Variants in DGKB observed in about 807,000 individuals in gnomAD.
DGKB encodes diacylglycerol kinase beta.
A neutral mutation model predicts 114.3 loss-of-function variants in DGKB; 67 were observed. That is an observed-to-expected ratio of 0.59 (90% CI 0.48 to 0.72). The LOEUF is 0.72. Ranked by LOEUF, DGKB falls within the 30% of genes least tolerant of loss-of-function variation. The pLI is 0.00. For missense variants in DGKB, 907 were observed against 975.2 expected, an observed-to-expected ratio of 0.93 and a Z score of 0.93; for synonymous variants, 398 against 323.1, an observed-to-expected ratio of 1.23 and a Z score of -2.49.
intron 21 of DGKB, among the ~76,000 whole-genome samples, chr7:14,366,272 T>G (rs957480354): frequency 6.6e-6 from 1 of 152,152 alleles, no homozygotes; most frequent in Non-Finnish European, 1.5e-5. Context: ...ATCTTTTCAT[T>G]TAAAACTGAG....
At chr7:14,892,061 A>T (rs988532920) in intron 1 of DGKB, among the ~76,000 whole-genome samples, 4 of 151,464 alleles carry the variant, frequency 2.6e-5, no homozygotes, top group African/African-American at 9.7e-5. Context: ...AGCTATTTAT[A>T]TTGTATACTA....
At chr7:14,878,506 G>C (rs1483195753) in intron 1 of DGKB, among the ~76,000 whole-genome samples, 2 of 152,164 alleles carry the variant, frequency 1.3e-5, no homozygotes, top group African/African-American at 4.8e-5. Context: ...AGCATTTTGG[G>C]AGGCTGAGGC....
intron 20 of DGKB, among the ~76,000 whole-genome samples, chr7:14,552,694 C>A (rs1388223656): frequency 6.6e-6 from 1 of 152,192 alleles, no homozygotes; most frequent in Admixed American, 6.5e-5. Context: ...TTTGACTACA[C>A]TTTTAGCACA....
intron 23 of DGKB, among the ~76,000 whole-genome samples, chr7:14,303,611 G>T (rs755466412): frequency 1.3e-5 from 2 of 151,796 alleles, no homozygotes; most frequent in Non-Finnish European, 2.9e-5. Flanking sequence ...GTTGCACTGT[G>T]CTTTCTTTGA....
At chr7:14,634,802 T>A (rs1307604124) in intron 13 of DGKB, among the ~76,000 whole-genome samples, 1 of 151,688 alleles carries the variant, frequency 6.6e-6, no homozygotes, top group Non-Finnish European at 1.5e-5. Context: ...ATGTTTTTTT[T>A]ATATTTCAGT....
chr7:14,921,812 C>G (rs1209850761), intron 1 of DGKB, among the ~76,000 whole-genome samples: 1 of 152,150 alleles, frequency 6.6e-6, no homozygotes, highest in Non-Finnish European at 1.5e-5. Context: ...ACCCTAAAAA[C>G]TGTGGATGTC....
At chr7:14,563,882 C>G (rs1797027275) in intron 20 of DGKB, among the ~76,000 whole-genome samples, 1 of 152,094 alleles carries the variant, frequency 6.6e-6, no homozygotes, top group East Asian at 1.9e-4. Flanking sequence ...GAAAAGCAAG[C>G]TGCTGTAGTT....
At chr7:14,753,868 T>C in intron 4 of DGKB, 60 bp downstream of exon 4, 2 of 1,034,082 alleles carry the variant, frequency 1.9e-6, no homozygotes, top group Non-Finnish European at 2.9e-6. Flanking sequence ...GAGAAATTCA[T>C]AGATCATATC....
chr7:14,709,113 T>A (rs1826854403), intron 6 of DGKB, among the ~76,000 whole-genome samples: 1 of 148,592 alleles, frequency 6.7e-6, no homozygotes, highest in Admixed American at 6.7e-5. Flanking sequence ...TCAAACAAAT[T>A]TACAAGAAAA....
chr7:14,557,163 G>A (rs921502234), intron 20 of DGKB, among the ~76,000 whole-genome samples: 1 of 152,224 alleles, frequency 6.6e-6, no homozygotes, highest in Non-Finnish European at 1.5e-5. Flanking sequence ...TAGGTGATTC[G>A]AATTCATGCT....
intron 6 of DGKB, among the ~76,000 whole-genome samples, chr7:14,711,933 C>A (rs1159843075): frequency 1.3e-5 from 2 of 152,154 alleles, no homozygotes; most frequent in African/African-American, 4.8e-5. Context: ...CCCAGTAAGT[C>A]AATACCATCC....
chr7:14,206,969 A>G (rs1562614817), intron 23 of DGKB, among the ~76,000 whole-genome samples: 1 of 151,644 alleles, frequency 6.6e-6, no homozygotes, highest in Non-Finnish European at 1.5e-5. Context: ...CCTAAGTATT[A>G]GGGTAAAAAT....
chr7:14,719,934 T>C (rs1036507471), intron 5 of DGKB, among the ~76,000 whole-genome samples: 4 of 152,294 alleles, frequency 2.6e-5, no homozygotes, highest in East Asian at 1.9e-4. Context: ...ACTTTACAGA[T>C]TAGGGACCGT....
chr7:14,905,757 C>A (rs889131574), upstream of DGKB, among the ~76,000 whole-genome samples: 1 of 152,168 alleles, frequency 6.6e-6, no homozygotes, highest in Non-Finnish European at 1.5e-5. Context: ...TTGCTTAGTT[C>A]ATTCATGCGT....
At chr7:14,574,066 T>C in intron 20 of DGKB, 146 bp downstream of exon 20, 1 of 563,614 alleles carries the variant, frequency 1.8e-6, no homozygotes, top group Non-Finnish European at 3.0e-6. Context: ...ATTAGAGCAA[T>C]AATAATTGCC....
At chr7:14,220,885 T>C (rs1407232371) in intron 23 of DGKB, among the ~76,000 whole-genome samples, 2 of 151,514 alleles carry the variant, frequency 1.3e-5, no homozygotes, top group Non-Finnish European at 3.0e-5. Flanking sequence ...TTTGCAGTTT[T>C]GAATTTCATT....
At chr7:14,552,353 T>G (rs576690373) in intron 20 of DGKB, among the ~76,000 whole-genome samples, 1 of 152,326 alleles carries the variant, frequency 6.6e-6, no homozygotes, top group East Asian at 1.9e-4. Flanking sequence ...TAAATGCCCA[T>G]GATAACTCAA....
At chr7:14,721,525 G>T (rs920303445) in intron 5 of DGKB, among the ~76,000 whole-genome samples, 15 of 151,886 alleles carry the variant, frequency 9.9e-5, no homozygotes, top group African/African-American at 3.4e-4. Context: ...CATGGAATAC[G>T]GTTAAATGAA....
chr7:14,232,047 C>A (rs1791946746), intron 23 of DGKB, among the ~76,000 whole-genome samples: 1 of 151,976 alleles, frequency 6.6e-6, no homozygotes, highest in Non-Finnish European at 1.5e-5. Context: ...GTTGGCCCAT[C>A]CCGGTTTGCT....
Sources: gnomAD v4.1 joint callset for allele counts (sites outside exome capture counted in the v4.1 genomes callset) on GRCh38, gnomAD v4.1.1 for gene constraint, MANE v1.5 for transcripts, NCBI Gene and HGNC (gene_info 2026-07-23, HGNC 2026-07-21) for gene names.